Variants in KCTD16 observed in about 807,000 individuals in gnomAD.
The protein encoded by KCTD16 is potassium channel tetramerization domain containing 16.
In KCTD16, 13 loss-of-function variants were observed where a neutral mutation model predicts 33.2. The observed-to-expected ratio is 0.39, with a 90% confidence interval of 0.25 to 0.62. The LOEUF (loss-of-function observed/expected upper bound fraction) is 0.62. Ranked by LOEUF, KCTD16 falls within the 20% of genes least tolerant of loss-of-function variation. The pLI is 0.50. For missense variants in KCTD16, 441 were observed against 525.1 expected (o/e 0.84, Z 1.57); for synonymous variants, 197 against 195.3 (o/e 1.01, Z -0.07).
At chr5:144,271,240 G>A (rs571306883) in intron 3 of KCTD16, among the ~76,000 whole-genome samples, 1 of 151,952 alleles carries the variant, frequency 6.6e-6, no homozygotes, top group Non-Finnish European at 1.5e-5. Flanking sequence ...TATCCTTTAT[G>A]AAAATTGATG....
chr5:144,466,805 A>C (rs868344263), intron 3 of KCTD16, among the ~76,000 whole-genome samples: 3 of 151,346 alleles, frequency 2.0e-5, no homozygotes, highest in South Asian at 2.1e-4. Context: ...GATTATTACA[A>C]ATTCACCATT....
intron 3 of KCTD16, among the ~76,000 whole-genome samples, chr5:144,470,465 T>A (rs75803671): frequency 0.024 from 3,701 of 152,296 alleles, 147 homozygotes; most frequent in African/African-American, 0.084. Flanking sequence ...GTACTATTAA[T>A]CCTATAATAT....
chr5:144,423,343 C>G (rs1753252206), intron 3 of KCTD16, among the ~76,000 whole-genome samples: 1 of 152,122 alleles, frequency 6.6e-6, no homozygotes, highest in Non-Finnish European at 1.5e-5. Context: ...AAATATTCCT[C>G]TGGCTACTAT....
chr5:144,197,801 T>G (rs766904800), intron 2 of KCTD16, among the ~76,000 whole-genome samples: 2 of 152,184 alleles, frequency 1.3e-5, no homozygotes, highest in Non-Finnish European at 2.9e-5. Context: ...CATTTCAGGA[T>G]TGTTTTAGGA....
chr5:144,409,716 G>T (rs1752890256), intron 3 of KCTD16, among the ~76,000 whole-genome samples: 1 of 152,022 alleles, frequency 6.6e-6, no homozygotes, highest in Non-Finnish European at 1.5e-5. Flanking sequence ...AAAATTGGCT[G>T]GATGTGGTGG....
In KCTD16 at chr5:144,255,998, A is replaced by G. The variant is rs141197878; in HGVS notation, c.832+48452A>G. ...ATACTGAGTCACTCAGAGAGACAGT[A>G]TTAACACTTTAAATACCAAGTCAGT... On this transcript the variant is annotated intron_variant, in intron 3 of 3. Coordinates refer to ENST00000512467, the MANE Select transcript of KCTD16 (RefSeq NM_020768.4). 1.1e-4 allele frequency among the ~76,000 whole-genome samples: 17 copies of G among 152,350 alleles called. No individual in the cohort carries two copies. In the East Asian group the frequency reaches 3.1e-3, roughly 28 times the overall value.
intron 3 of KCTD16, among the ~76,000 whole-genome samples, chr5:144,249,941 A>G (rs1268992325): frequency 1.3e-5 from 2 of 152,228 alleles, no homozygotes; most frequent in Non-Finnish European, 2.9e-5. Flanking sequence ...TGGGTCAGAT[A>G]AAATTAGAAA....
intron 3 of KCTD16, among the ~76,000 whole-genome samples, chr5:144,382,547 A>G (rs1307442849): frequency 6.6e-6 from 1 of 152,118 alleles, no homozygotes; most frequent in Non-Finnish European, 1.5e-5. Flanking sequence ...TCAGTATTGA[A>G]TGAATGAATA....
Position 144,206,606 on chromosome 5 carries a change from A to G in KCTD16, c.-109A>G, listed in dbSNP as rs1356465380. The G allele has an allele frequency of 3.6e-5, 34 of 943,162 alleles. No individual in the cohort carries two copies. Among genetic ancestry groups the G allele is most frequent in the Non-Finnish European group, 4.6e-5 (29 of 625,814 alleles). The allele number at this position is 943,162 out of a possible 1,614,324, so 58.4% of individuals were successfully genotyped here. A position where few individuals can be genotyped will look rare whatever the true frequency, so the allele number is the denominator to read the frequency against. ...TGGGATAAGAGGAGGTCATTTTTTA[A>G]TAAGTTAGCATCCTTTTCCCTTTCT... On this transcript the variant is annotated 5_prime_UTR_variant, in exon 3 of 4. Coordinates refer to ENST00000512467, the MANE Select transcript of KCTD16 (RefSeq NM_020768.4).
chr5:144,341,692 G>A (rs1752650984), intron 3 of KCTD16, among the ~76,000 whole-genome samples: 2 of 152,176 alleles, frequency 1.3e-5, no homozygotes, highest in Admixed American at 1.3e-4. Flanking sequence ...TACAAGAGAG[G>A]AACTCAGCAA....
chr5:144,254,442 A>C (rs1754791039), intron 3 of KCTD16, among the ~76,000 whole-genome samples: 1 of 152,100 alleles, frequency 6.6e-6, no homozygotes, highest in Admixed American at 6.5e-5. Context: ...GAATAAGCTG[A>C]TCACCCAACC....
intron 3 of KCTD16, among the ~76,000 whole-genome samples, chr5:144,268,937 G>A (rs1119888): frequency 0.22 from 32,933 of 151,880 alleles, 4,009 homozygotes; most frequent in Non-Finnish European, 0.28. Context: ...AAAAATTACC[G>A]TATCTGAAAT....
At chr5:144,269,884 G>A (rs746217199) in intron 3 of KCTD16, among the ~76,000 whole-genome samples, 1 of 152,016 alleles carries the variant, frequency 6.6e-6, no homozygotes, top group Non-Finnish European at 1.5e-5. Context: ...GTTTGTGTAT[G>A]ATATTGTATT....
At chr5:144,383,831 T>A (rs1253103639) in intron 3 of KCTD16, among the ~76,000 whole-genome samples, 2 of 152,194 alleles carry the variant, frequency 1.3e-5, no homozygotes, top group Non-Finnish European at 2.9e-5. Flanking sequence ...TTTGCCTTCA[T>A]GACCATCTGA....
chr5:144,266,985 C>A (rs952925296), intron 3 of KCTD16, among the ~76,000 whole-genome samples: 12 of 152,150 alleles, frequency 7.9e-5, no homozygotes, highest in African/African-American at 2.9e-4. Flanking sequence ...TTTTTGCTAA[C>A]TAATTCACTG....
chr5:144,331,984 A>G (rs906369142), intron 3 of KCTD16, among the ~76,000 whole-genome samples: 2 of 152,210 alleles, frequency 1.3e-5, no homozygotes, highest in African/African-American at 4.8e-5. Context: ...TTATAGAAAG[A>G]TGGCAGAAAT....
intron 3 of KCTD16, chr5:144,383,033 TCTA>T (rs2126932695): frequency 6.6e-6 from 1 of 152,322 alleles, no homozygotes; most frequent in South Asian, 2.1e-4. Context: ...GCACTTAACT[TCTA>T]CTCATTTCTT....
chr5:144,470,203 A>G (rs1158095544), intron 3 of KCTD16, among the ~76,000 whole-genome samples: 2 of 152,206 alleles, frequency 1.3e-5, no homozygotes, highest in Admixed American at 1.3e-4. Flanking sequence ...CTGACCTTTC[A>G]TAGATCTTTC....
chr5:144,319,635 T>C (rs569925844), intron 3 of KCTD16, among the ~76,000 whole-genome samples: 1 of 152,362 alleles, frequency 6.6e-6, no homozygotes, highest in Non-Finnish European at 1.5e-5. Context: ...GAACTTTTCT[T>C]CAGTTTCACT....
Sources: allele counts gnomAD v4.1 joint callset (sites outside exome capture counted in the v4.1 genomes callset), GRCh38; gene constraint gnomAD v4.1.1; transcripts MANE v1.5; gene names NCBI Gene and HGNC (gene_info 2026-07-23, HGNC 2026-07-21).